Variants in BLOC1S6 observed in about 807,000 individuals in gnomAD.
BLOC1S6 encodes the protein biogenesis of lysosome-related organelles complex 1 subunit 6.
In BLOC1S6, 24 loss-of-function variants were observed where a neutral mutation model predicts 24.7. That is an observed-to-expected ratio of 0.97 (90% CI 0.70 to 1.37). The LOEUF (loss-of-function observed/expected upper bound fraction) is 1.37. BLOC1S6 is among the 40% of genes most tolerant of loss of function. The pLI, the probability that BLOC1S6 is intolerant of heterozygous loss-of-function variation, is 0.00. For missense variants in BLOC1S6, 175 were observed against 196.2 expected (o/e 0.89, Z 0.64); for synonymous variants, 76 against 72.6 (o/e 1.05, Z -0.23).
chr15:45,596,766 C>T (rs1405308819), intron 2 of BLOC1S6, among the ~76,000 whole-genome samples: 3 of 151,916 alleles, frequency 2.0e-5, no homozygotes, highest in Non-Finnish European at 2.9e-5. Flanking sequence ...GCAACCTCTG[C>T]CTCTCAGGTT....
chr15:45,589,533 C>T (rs1340966945), intron 1 of BLOC1S6, among the ~76,000 whole-genome samples: 1 of 152,224 alleles, frequency 6.6e-6, no homozygotes, highest in African/African-American at 2.4e-5. Flanking sequence ...TAATGAAAGT[C>T]GCTCTCCCCT....
At chr15:45,601,684 A>G (rs1198237859) in intron 2 of BLOC1S6, among the ~76,000 whole-genome samples, 1 of 151,606 alleles carries the variant, frequency 6.6e-6, no homozygotes, top group African/African-American at 2.4e-5. Flanking sequence ...AATTTTATTG[A>G]TCTTTTAAAG....
At chr15:45,596,908 T>G (rs1894098287) in intron 2 of BLOC1S6, among the ~76,000 whole-genome samples, 1 of 151,928 alleles carries the variant, frequency 6.6e-6, no homozygotes, top group Admixed American at 6.6e-5. Context: ...ACTTCTGACC[T>G]CAGGTGATCC....
At chr15:45,587,262 C>T (rs1893705426), upstream of BLOC1S6, 1 of 663,652 alleles carries the variant, frequency 1.5e-6, no homozygotes, top group Admixed American at 2.3e-5. Context: ...GCGGGGTCCC[C>T]ACAACGCCAT....
Position 45,603,087 on chromosome 15 carries a change from GT to G in BLOC1S6, c.225-8del. 1 of 1,582,552 alleles carries G rather than the reference GT, an allele frequency of 6.3e-7. No homozygotes were observed. The highest frequency in any genetic ancestry group is 8.7e-7 in the Non-Finnish European group (1 of 1,152,004). On this transcript the variant is annotated splice_polypyrimidine_tract_variant and intron_variant, in intron 2 of 4. Coordinates refer to ENST00000220531, the MANE Select transcript of BLOC1S6 (RefSeq NM_012388.4). ...TATGTAGAGTTTGTCTTGGCTGTGTGTTTTTGTTTCAGACAGAACCAAGTTG... is the reference window on the plus strand; with the variant it reads ...TATGTAGAGTTTGTCTTGGCTGTGTGTTTTGTTTCAGACAGAACCAAGTTG...
chr15:45,600,472 TC>T (rs755093178), intron 2 of BLOC1S6, among the ~76,000 whole-genome samples: 120 of 152,322 alleles, frequency 7.9e-4, no homozygotes, highest in Non-Finnish European at 5.3e-4. Context: ...TTGAGGAAGA[TC>T]CTCTCTCTTC....
chr15:45,602,245 G>A (rs1221229453), intron 2 of BLOC1S6: 8 of 562,308 alleles, frequency 1.4e-5, no homozygotes, highest in Non-Finnish European at 2.5e-5. Flanking sequence ...GTGCTGGATA[G>A]TAGAGATGTT....
chr15:45,607,790 A>C lies in BLOC1S6; in HGVS notation c.*1276A>C, dbSNP rs527442888. 34 of 152,250 alleles carry C rather than the reference A, an allele frequency of 2.2e-4. No individual in the cohort carries two copies. Among genetic ancestry groups the C allele is most frequent in the African/African-American group, 7.7e-4 (32 of 41,546 alleles). 9.4% of individuals were successfully genotyped at this position (152,250 alleles called of 1,614,324 possible). On this transcript the variant is annotated 3_prime_UTR_variant, in exon 5 of 5. Coordinates refer to ENST00000220531, the MANE Select transcript of BLOC1S6 (RefSeq NM_012388.4). ...TCCGTCTCCAAAAAAAAGAAAAAAA[A>C]ATTTCTTGAAGTGGAATGATGTACA...
upstream of BLOC1S6, chr15:45,587,309 C>T (rs373895163): frequency 6.2e-4 from 525 of 840,294 alleles, no homozygotes; most frequent in African/African-American, 7.9e-3. Flanking sequence ...GATCGAAGCC[C>T]GCAGTTTTTT....
Position 45,592,210 on chromosome 15 carries a change from CAGAAGGAT to C in BLOC1S6, c.159_166del (p.Glu54AlafsTer37). The stretch of plus-strand genomic sequence containing the variant: ...GAAGACAAAGCAGTGGAGCAACTGG[CAGAAGGAT>C]TGCTTTCTCATTATTTGCCAGATCT... On this transcript the variant is annotated frameshift_variant, in exon 2 of 5. Transcript: ENST00000220531. LOFTEE classifies it high-confidence loss of function. The C allele has an allele frequency of 6.2e-7, 1 of 1,614,126 alleles. No individual in the cohort carries two copies. Among genetic ancestry groups the C allele is most frequent in the Non-Finnish European group, 8.5e-7 (1 of 1,180,006 alleles).
Sources: gnomAD v4.1 joint callset for allele counts (sites outside exome capture counted in the v4.1 genomes callset) on GRCh38, gnomAD v4.1.1 for gene constraint, MANE v1.5 for transcripts, NCBI Gene and HGNC (gene_info 2026-07-23, HGNC 2026-07-21) for gene names.